The following NAALADL2 variants were observed in gnomAD, a reference collection of about 807,000 sequenced individuals.
NAALADL2 encodes the protein N-acetylated alpha-linked acidic dipeptidase like 2.
A neutral mutation model predicts 87.2 loss-of-function variants in NAALADL2; 76 were observed. The ratio of observed to expected loss-of-function variants is 0.87; its 90% CI spans 0.72 to 1.05. NAALADL2 has a LOEUF of 1.05. Ranked by LOEUF, NAALADL2 falls within the 50% of genes least tolerant of loss-of-function variation. The pLI is 0.00. For missense variants in NAALADL2, 1,089 were observed against 945.8 expected, an observed-to-expected ratio of 1.15 and a Z score of -1.99; for synonymous variants, 354 against 331.0, an observed-to-expected ratio of 1.07 and a Z score of -0.75.
chr3:174,479,046 G>T (rs1288738918), intron 1 of NAALADL2, among the ~76,000 whole-genome samples: 1 of 152,058 alleles, frequency 6.6e-6, no homozygotes, highest in Non-Finnish European at 1.5e-5. Flanking sequence ...AGCTTTCCAG[G>T]CTTTACTGCC....
chr3:175,190,279 T>C (rs1019775542), intron 2 of NAALADL2, among the ~76,000 whole-genome samples: 1 of 152,058 alleles, frequency 6.6e-6, no homozygotes, highest in Non-Finnish European at 1.5e-5. Flanking sequence ...AACCTACAGA[T>C]TTGGGTAAGA....
chr3:175,383,608 T>C (rs1222438015), intron 5 of NAALADL2, among the ~76,000 whole-genome samples: 1 of 151,976 alleles, frequency 6.6e-6, no homozygotes, highest in East Asian at 1.9e-4. Context: ...TTTTGTTTTG[T>C]TTTTCATCTT....
At chr3:175,423,794 G>C (rs1442980151) in intron 5 of NAALADL2, among the ~76,000 whole-genome samples, 4 of 152,070 alleles carry the variant, frequency 2.6e-5, no homozygotes, top group Non-Finnish European at 4.4e-5. Context: ...AATGGGATTG[G>C]TGGGTCAAAT....
chr3:175,548,267 A>G (rs956220186), intron 9 of NAALADL2, among the ~76,000 whole-genome samples: 1 of 152,054 alleles, frequency 6.6e-6, no homozygotes, highest in Non-Finnish European at 1.5e-5. Flanking sequence ...GGATGGAACT[A>G]AAGGCCATTT....
At chr3:175,273,293 C>T (rs1753122061) in intron 4 of NAALADL2, among the ~76,000 whole-genome samples, 2 of 152,042 alleles carry the variant, frequency 1.3e-5, no homozygotes, top group Admixed American at 6.6e-5. Flanking sequence ...ACACATATGC[C>T]TACAGACATG....
rs150813658 is a variant in NAALADL2, at chr3:174,602,005, G to A, written c.-115+51368G>A. 1.1e-3 allele frequency among the ~76,000 whole-genome samples: 162 copies of A among 152,196 alleles called. 2 individuals are homozygous for A. The highest frequency in any genetic ancestry group is 4.2e-3 in the South Asian group (20 of 4,816). ...TCTGTATTCTGTTCCACTGGTCTAC[G>A]TGTCTGTTTTTATACCAGTACCCTG... On this transcript the variant is annotated intron_variant, in intron 2 of 3. Transcript: ENST00000434257.
At chr3:174,867,593 T>C (rs1368794073) in intron 1 of NAALADL2, among the ~76,000 whole-genome samples, 1 of 152,050 alleles carries the variant, frequency 6.6e-6, no homozygotes, top group East Asian at 1.9e-4. Flanking sequence ...TTCTCAAGTT[T>C]AATATGCTCA....
intron 1 of NAALADL2, among the ~76,000 whole-genome samples, chr3:174,940,505 C>T (rs1738414715): frequency 6.6e-6 from 1 of 152,060 alleles, no homozygotes; most frequent in Non-Finnish European, 1.5e-5. Context: ...TATTTGGTAT[C>T]AGGATGATGC....
chr3:175,697,712 T>G (rs1738040740), intron 11 of NAALADL2, among the ~76,000 whole-genome samples: 1 of 149,506 alleles, frequency 6.7e-6, no homozygotes, highest in African/African-American at 2.5e-5. Context: ...TTATTATTAT[T>G]TATTAAAAAA....
At chr3:175,424,027 C>T (rs948845535) in intron 5 of NAALADL2, among the ~76,000 whole-genome samples, 1 of 152,196 alleles carries the variant, frequency 6.6e-6, no homozygotes, top group African/African-American at 2.4e-5. Context: ...TGATGATGAG[C>T]ATTTTTTCAT....
intron 12 of NAALADL2, among the ~76,000 whole-genome samples, chr3:175,744,376 T>C (rs1745642250): frequency 6.6e-6 from 1 of 152,218 alleles, no homozygotes; most frequent in Admixed American, 6.5e-5. Context: ...GAACTTTCTC[T>C]GGTTATTGGT....
At chr3:174,931,417 A>AT (rs1736874532) in intron 1 of NAALADL2, among the ~76,000 whole-genome samples, 1 of 152,164 alleles carries the variant, frequency 6.6e-6, no homozygotes, top group African/African-American at 2.4e-5. Context: ...AACGATACTA[A>AT]AAGTGCCATA....
At chr3:174,595,927 G>A (rs1363921476) in intron 2 of NAALADL2, among the ~76,000 whole-genome samples, 1 of 152,142 alleles carries the variant, frequency 6.6e-6, no homozygotes, top group Non-Finnish European at 1.5e-5. Context: ...CAGGAGAATT[G>A]CTTGAACCTG....
chr3:175,577,631 C>T (rs530846859), intron 10 of NAALADL2, among the ~76,000 whole-genome samples: 1 of 152,192 alleles, frequency 6.6e-6, no homozygotes, highest in African/African-American at 2.4e-5. Context: ...TCAAATTATA[C>T]CCAGAATATC....
Position 175,576,104 on chromosome 3 carries a change from A to G in NAALADL2, c.1717A>G (p.Ile573Val), listed in dbSNP as rs199849033. 1.8e-4 allele frequency: 289 copies of G among 1,613,386 alleles called. 1 individual carries two copies. The highest frequency in any genetic ancestry group is 3.5e-5 in the Non-Finnish European group (41 of 1,179,438). Reference protein sequence around the residue: ...CPETNISSIQIQGDADYFINH... With the variant: ...CPETNISSIQVQGDADYFINH... ...AGAAACCAATATCAGTTCTATACAG[A>G]TACAAGGTGATGCTGATTATTTCAT... Residue 573 changes from isoleucine to valine, a missense_variant, in exon 10 of 14, where the codon ATA becomes GTA. Physicochemically the swap from Ile to Val is conservative, Grantham distance 29. Coordinates refer to ENST00000454872, the MANE Select transcript of NAALADL2 (RefSeq NM_207015.3).
At chr3:175,241,194 T>A (rs1746810341) in intron 3 of NAALADL2, among the ~76,000 whole-genome samples, 1 of 151,106 alleles carries the variant, frequency 6.6e-6, no homozygotes, top group Non-Finnish European at 1.5e-5. Context: ...AACAATTCCA[T>A]AATTGCTTCT....
intron 4 of NAALADL2, among the ~76,000 whole-genome samples, chr3:175,262,705 G>A: frequency 6.6e-6 from 1 of 151,504 alleles, no homozygotes; most frequent in Non-Finnish European, 1.5e-5. Context: ...TCCTATTGAA[G>A]CTTTTGATAC....
intron 9 of NAALADL2, among the ~76,000 whole-genome samples, chr3:175,481,427 C>T (rs1364530000): frequency 2.0e-5 from 3 of 150,808 alleles, no homozygotes; most frequent in Non-Finnish European, 3.0e-5. Flanking sequence ...GAACAAAAAG[C>T]TACTGCTTCA....
At chr3:175,509,769 C>G (rs964901743) in intron 9 of NAALADL2, among the ~76,000 whole-genome samples, 5 of 152,074 alleles carry the variant, frequency 3.3e-5, no homozygotes, top group Non-Finnish European at 7.4e-5. Flanking sequence ...CCCAGAGTGG[C>G]GCAGAGCTGG....
Sources: allele counts gnomAD v4.1 joint callset (sites outside exome capture counted in the v4.1 genomes callset), GRCh38; gene constraint gnomAD v4.1.1; transcripts MANE v1.5; gene names NCBI Gene and HGNC (gene_info 2026-07-23, HGNC 2026-07-21).